Variants in SIGLEC5 observed in about 807,000 individuals in gnomAD.
SIGLEC5 encodes sialic acid-binding Ig-like lectin 5.
Under a neutral mutation model 45.9 loss-of-function variants are expected in SIGLEC5, and 34 were observed. The ratio of observed to expected loss-of-function variants is 0.74; its 90% CI spans 0.56 to 0.99. SIGLEC5 has a LOEUF of 0.99. Ranked by LOEUF, SIGLEC5 falls within the 50% of genes least tolerant of loss-of-function variation. SIGLEC5 has a pLI of 0.00. For synonymous variants in SIGLEC5, 203 were observed against 258.6 expected (o/e 0.79, Z 2.06); for missense variants, 508 against 629.6 (o/e 0.81, Z 2.07).
At position 51,627,452 on chromosome 19, in the gene SIGLEC5, G is replaced by A. The variant is rs751433499; in HGVS notation, c.1282+10C>T. ...CTCAGGCCCCTGCCCTCTGCAATAC[G>A]CCCCCTGACCTTGCAGCAGCAGGAC... is the stretch of plus-strand genomic sequence containing the variant. On this transcript the variant is annotated intron_variant, in intron 6 of 8. Coordinates refer to ENST00000683636, the MANE Select transcript of SIGLEC5 (RefSeq NM_003830.4). 90 of 1,605,782 alleles carry A rather than the reference G, an allele frequency of 5.6e-5. No individual in the cohort carries two copies. Among genetic ancestry groups the A allele is most frequent in the Non-Finnish European group, 6.8e-5 (80 of 1,175,328 alleles).
Position 51,612,205 on chromosome 19 carries a change from G to T in SIGLEC5, c.*26C>A. 1 of 1,557,448 alleles carries T rather than the reference G, an allele frequency of 6.4e-7. No homozygotes were observed. On this transcript the variant is annotated 3_prime_UTR_variant, in exon 9 of 9. Coordinates refer to ENST00000683636, the MANE Select transcript of SIGLEC5 (RefSeq NM_003830.4). The stretch of plus-strand genomic sequence containing the variant: ...CCCCAGACAGGCTGTGGCTCCTCCA[G>T]CCAGGACTGAACTCTGGGCAAATCC...
intron 8 of SIGLEC5, 87 bp from the exon 9 acceptor site, chr19:51,612,509 G>A: frequency 2.0e-6 from 2 of 1,004,088 alleles, no homozygotes; most frequent in Non-Finnish European, 2.9e-6. Flanking sequence ...TGTTGCCTTG[G>A]GATTTATTTT....
chr19:51,628,822 TGTGC>T (rs1983612200), intron 4 of SIGLEC5, among the ~76,000 whole-genome samples: 2 of 150,010 alleles, frequency 1.3e-5, no homozygotes, highest in African/African-American at 4.9e-5. Flanking sequence ...CATGTGTGTG[TGTGC>T]GTGTGTGTGT....
intron 4 of SIGLEC5, 24 bp from the exon 5 acceptor site, chr19:51,628,115 AAG>A: frequency 6.7e-7 from 1 of 1,501,578 alleles, no homozygotes; most frequent in South Asian, 1.4e-5. Flanking sequence ...AGGGTGGGGA[AAG>A]AGAGATGGGG....
chr19:51,626,042 G>C lies in SIGLEC5; in HGVS notation c.1454C>G (p.Thr485Ser), dbSNP rs769351924. The stretch of plus-strand genomic sequence containing the variant: ...CCCCAAACCACTCACCGAGGTGATG[G>C]TACCCATAATGGGGTCTTCATCATC... Reference protein sequence around the residue: ...KMDDEDPIMGTITSGSRKKPW... With the variant: ...KMDDEDPIMGSITSGSRKKPW... The change falls in exon 8 of 9, where the codon ACC (threonine) becomes AGC (serine). Residue 485 changes from threonine to serine, a missense_variant. Coordinates refer to ENST00000683636, the MANE Select transcript of SIGLEC5 (RefSeq NM_003830.4). 2 of 1,613,450 alleles carry C rather than the reference G, an allele frequency of 1.2e-6. No homozygotes were observed. The highest frequency in any genetic ancestry group is 3.3e-5 in the Admixed American group (2 of 60,020).
Position 51,629,408 on chromosome 19 carries a change from C to T in SIGLEC5, c.650G>A (p.Arg217His), listed in dbSNP as rs771008845. 1.1e-5 allele frequency: 18 copies of T among 1,613,784 alleles called. No homozygotes were observed. Among genetic ancestry groups the T allele is most frequent in the Non-Finnish European group, 1.4e-5 (16 of 1,179,998 alleles). Residue 217 changes from arginine to histidine, a missense_variant, in exon 3 of 9, where the codon CGC becomes CAC. By Grantham distance (29) the Arg-to-His change is conservative. Transcript: ENST00000683636. ...HGTNLTCQMK[R>H]QGAQVTTERT... ...CTCCGTGGTCACCTGAGCTCCTTGG[C>T]GTTTCATCTGACAGGTGAGGTTGGT...
rs1026896458 is a variant in SIGLEC5, at chr19:51,625,601, G to A, written c.1464+431C>T. On this transcript the variant is annotated intron_variant, in intron 8 of 8. Transcript: ENST00000683636. The stretch of plus-strand genomic sequence containing the variant: ...TCCCAGCACTTTGGGAGGCCGAGGC[G>A]GGCGGATCACCTGAGGTCAGGAGTT... 6.6e-5 allele frequency among the ~76,000 whole-genome samples: 10 copies of A among 152,142 alleles called. 1 individual carries two copies. Among genetic ancestry groups the A allele is most frequent in the South Asian group, 2.1e-4 (1 of 4,818 alleles).
Position 51,612,384 on chromosome 19 carries a change from A to C in SIGLEC5, c.1503T>G (p.Asp501Glu). ...GGGCATCCCCAGGAGGAGATGCTTGATCTCCGGGGCTGTCTGGCCAGGGCT... is the reference window on the plus strand; with the variant it reads ...GGGCATCCCCAGGAGGAGATGCTTGCTCTCCGGGGCTGTCTGGCCAGGGCT... ...RKKPWPDSPG[D>E]QASPPGDAPP... is the part of the protein sequence containing the mutation. Residue 501 changes from aspartate (D) to glutamate (E), a missense_variant, in exon 9 of 9, where the codon GAT becomes GAG. Physicochemically the swap from Asp to Glu is conservative, Grantham distance 45 (BLOSUM62 2). Coordinates refer to ENST00000683636, the MANE Select transcript of SIGLEC5 (RefSeq NM_003830.4). The C allele has an allele frequency of 6.2e-7, 1 of 1,612,984 alleles. No individual in the cohort carries two copies. Among genetic ancestry groups the C allele is most frequent in the Non-Finnish European group, 8.5e-7 (1 of 1,179,542 alleles).
chr19:51,628,723 GGT>G (rs769374738), intron 4 of SIGLEC5, among the ~76,000 whole-genome samples: 1 of 150,276 alleles, frequency 6.7e-6, no homozygotes, highest in Non-Finnish European at 1.5e-5. Flanking sequence ...ATATGTGTGT[GGT>G]GTGTGTGCAT....
chr19:51,621,750 A>G (rs931713087), intron 8 of SIGLEC5: 7 of 152,202 alleles, frequency 4.6e-5, no homozygotes, highest in African/African-American at 1.7e-4. Context: ...TAAAGGACAC[A>G]TGCAAGACCA....
rs1431782256 is a variant in SIGLEC5, at chr19:51,611,353, T to C, written c.*878A>G. ...AACTCATGTTTGGAGGAAAAGATAG[T>C]GTAAGCCAGATGAAAGCAAGGAGGC... On this transcript the variant is annotated 3_prime_UTR_variant, in exon 9 of 9. Coordinates refer to ENST00000683636, the MANE Select transcript of SIGLEC5 (RefSeq NM_003830.4). 2.6e-5 allele frequency among the ~76,000 whole-genome samples: 4 copies of C among 152,226 alleles called. No individual in the cohort carries two copies. The highest frequency in any genetic ancestry group is 1.5e-5 in the Non-Finnish European group (1 of 68,046).
intron 8 of SIGLEC5, among the ~76,000 whole-genome samples, chr19:51,625,110 T>G (rs564483490): frequency 2.0e-5 from 3 of 151,836 alleles, no homozygotes; most frequent in East Asian, 3.9e-4. Context: ...GGAGGGGAAA[T>G]GACTAGAGTA....
Position 51,617,986 on chromosome 19 carries a change from G to T in SIGLEC5, c.1465-5564C>A, listed in dbSNP as rs543664745. ...AGAGATATTAATTTTTTTTTGAGGC[G>T]AGAGTCTTGCTATGTTGCTCATACT... On this transcript the variant is annotated intron_variant, in intron 8 of 8. Coordinates refer to ENST00000683636, the MANE Select transcript of SIGLEC5 (RefSeq NM_003830.4). Among the ~76,000 whole-genome samples, 56 of 150,028 alleles carry T rather than the reference G, an allele frequency of 3.7e-4. 1 individual carries two copies. Among genetic ancestry groups the T allele is most frequent in the African/African-American group, 1.2e-3 (50 of 40,780 alleles).
chr19:51,627,268 G>T lies in SIGLEC5; in HGVS notation c.1283-20C>A, dbSNP rs1277799854. On this transcript the variant is annotated intron_variant, in intron 6 of 8. Transcript: ENST00000683636. The stretch of plus-strand genomic sequence containing the variant: ...ATCTCCCTGCAGAAAAGAGGGGCGT[G>T]CAATAACTCACTCCCAGGACTCAGA... The T allele has an allele frequency of 1.2e-6, 2 of 1,606,288 alleles. No individual in the cohort carries two copies. Among genetic ancestry groups the T allele is most frequent in the Admixed American group, 1.7e-5 (1 of 59,940 alleles).
Position 51,629,585 on chromosome 19 carries a change from C to T in SIGLEC5, c.473G>A (p.Arg158His). 6 of 1,496,192 alleles carry T rather than the reference C, an allele frequency of 4.0e-6. No homozygotes were observed. The highest frequency in any genetic ancestry group is 5.5e-6 in the Non-Finnish European group (6 of 1,099,916). 92.7% of individuals were successfully genotyped at this position (1,496,192 alleles called of 1,614,324 possible). ...AAGGCTGCAGCTCAGCCTTGTGGGG[C>T]GGCCGGACTCCAGAGGCTCCAGAAA... ...IHFLEPLESG[R>H]PTRLSCSLPG... The change falls in exon 3 of 9, where the codon CGC becomes CAC. Residue 158 changes from arginine (R) to histidine (H), a missense_variant. Arg to His is a conservative substitution (Grantham distance 29). Around this residue, in one of 2 missense-constraint regions of SIGLEC5, gnomAD observed 77 missense variants for 200.8 expected, o/e 0.38. Transcript: ENST00000683636.
chr19:51,628,217 G>C lies in SIGLEC5; in HGVS notation c.740-126C>G, dbSNP rs1015856466. On this transcript the variant is annotated intron_variant, in intron 4 of 8. Transcript: ENST00000683636. ...TCCCCTGGCCTATGCTGGCTTGATT[G>C]CATCCTGGTTCAAAGGCTGGGCCTT... The C allele has an allele frequency of 3.7e-5, 40 of 1,093,364 alleles. No homozygotes were observed. The South Asian group carries it at 3.9e-4, about 11-fold the overall frequency. The allele number at this position is 1,093,364 out of a possible 1,614,324, so 67.7% of individuals were successfully genotyped here.
intron 8 of SIGLEC5, among the ~76,000 whole-genome samples, chr19:51,616,557 G>A (rs970617554): frequency 6.6e-6 from 1 of 152,126 alleles, no homozygotes; most frequent in Non-Finnish European, 1.5e-5. Context: ...CCCCTAAAAG[G>A]AAGTAGGGAA....
chr19:51,618,396 C>A lies in SIGLEC5; in HGVS notation c.1465-5974G>T, dbSNP rs1235162796. On this transcript the variant is annotated intron_variant, in intron 8 of 8. Transcript: ENST00000683636. ...GAAACTAGAGTAGCTATATTAAGAT[C>A]CACATGCCGCTTCATTCCAGCCCGC... is the stretch of plus-strand genomic sequence containing the variant. Among the ~76,000 whole-genome samples, 3 of 143,510 alleles carry A rather than the reference C, an allele frequency of 2.1e-5. No homozygotes were observed. In the Admixed American group the frequency reaches 2.2e-4, roughly 10 times the overall value. The allele number at this position is 143,510 out of a possible 152,430, so 94.1% of individuals were successfully genotyped here. A position where few individuals can be genotyped will look rare whatever the true frequency, so the allele number is the denominator to read the frequency against.
intron 3 of SIGLEC5, 115 bp downstream of exon 3, chr19:51,629,243 T>G: frequency 1.3e-6 from 2 of 1,561,578 alleles, no homozygotes; most frequent in Non-Finnish European, 1.7e-6. Context: ...GTTTCTCAAG[T>G]TATTGTTTTG....
Sources: allele counts gnomAD v4.1 joint callset (sites outside exome capture counted in the v4.1 genomes callset), GRCh38; gene constraint gnomAD v4.1.1; regional missense constraint gnomAD v4.1.1; transcripts MANE v1.5; gene names NCBI Gene and HGNC (gene_info 2026-07-23, HGNC 2026-07-21).